The following EEFSEC variants were observed in gnomAD, a reference collection of about 807,000 sequenced individuals.
EEFSEC encodes selenocysteine-specific elongation factor.
Under a neutral mutation model 42.1 loss-of-function variants are expected in EEFSEC, and 43 were observed. The ratio of observed to expected loss-of-function variants is 1.02; its 90% CI spans 0.80 to 1.32. The LOEUF (loss-of-function observed/expected upper bound fraction) is 1.32. Among genes scored for constraint, EEFSEC ranks in the 40% most tolerant of loss-of-function variants. The pLI, the probability that EEFSEC is intolerant of heterozygous loss-of-function variation, is 0.00. For synonymous variants in EEFSEC, 354 were observed against 339.1 expected, an observed-to-expected ratio of 1.04 and a Z score of -0.48; for missense variants, 745 against 803.6, an observed-to-expected ratio of 0.93 and a Z score of 0.88.
rs1415259688 is a variant in EEFSEC at position 128,341,679 on chromosome 3, G to A, written c.1233G>A (p.Trp411Ter). Residue 411 changes from tryptophan to a stop codon, truncating the protein, a stop_gained, in exon 5 of 7, where the codon TGG (tryptophan) becomes TGA (stop). Transcript: ENST00000254730. LOFTEE classifies it high-confidence loss of function. ...ATEGHCPRQQ[W>*]ALVEFEKPVT... is the part of the protein sequence containing the mutation. ...AGGGCCATTGTCCTCGGCAGCAGTG[G>A]GCCCTGGTGGAGTTTGAGAAGCCCG... is the stretch of plus-strand genomic sequence containing the variant. 3.1e-6 allele frequency: 5 copies of A among 1,614,134 alleles called. No homozygotes were observed. The highest frequency in any genetic ancestry group is 4.2e-6 in the Non-Finnish European group (5 of 1,180,038).
intron 4 of EEFSEC, among the ~76,000 whole-genome samples, chr3:128,289,565 A>G (rs753040385): frequency 3.9e-5 from 6 of 152,240 alleles, no homozygotes; most frequent in Non-Finnish European, 5.9e-5. Context: ...TGTCATTTTT[A>G]AGGAGAAGCT....
chr3:128,211,848 CTTTTTTTTTTTTTTTT>C lies in EEFSEC; in HGVS notation c.317-34974_317-34959del, dbSNP rs34885945. ...CATATACTTCTTTTCTTTTTCTTTT[CTTTTTTTTTTTTTTTT>C]TTTTTTTTTTTTTGAGACAGAGTCT... is the stretch of plus-strand genomic sequence containing the variant. On this transcript the variant is annotated intron_variant, in intron 1 of 6. Transcript: ENST00000254730. Among the ~76,000 whole-genome samples, 206 of 51,710 alleles carry C rather than the reference CTTTTTTTTTTTTTTTT, an allele frequency of 4.0e-3. 2 individuals carry two copies. The highest frequency in any genetic ancestry group is 0.022 in the Middle Eastern group (1 of 46). The allele number at this position is 51,710 out of a possible 152,430, so 33.9% of individuals were successfully genotyped here.
chr3:128,169,137 C>T (rs1209820549), intron 1 of EEFSEC, among the ~76,000 whole-genome samples: 2 of 152,132 alleles, frequency 1.3e-5, no homozygotes, highest in East Asian at 3.9e-4. Context: ...ACAGGATGCC[C>T]AGATAGGGAC....
At position 128,373,962 on chromosome 3, in the gene EEFSEC, GC is replaced by G. The variant is rs1464481499; in HGVS notation, c.1600+15590del. On this transcript the variant is annotated intron_variant, in intron 6 of 6. Coordinates refer to ENST00000254730, the MANE Select transcript of EEFSEC (RefSeq NM_021937.5). ...CACTTTCCACATGTCACTTGGCCAGGCTGGGAAGGGCTCATGGTCGGGAGTG... is the reference window on the plus strand; with the variant it reads ...CACTTTCCACATGTCACTTGGCCAGGTGGGAAGGGCTCATGGTCGGGAGTG... 3.3e-5 allele frequency among the ~76,000 whole-genome samples: 5 copies of G among 152,308 alleles called. No homozygotes were observed. The Middle Eastern group carries it at 0.014, about 414-fold the overall frequency.
chr3:128,421,543 CT>C, the EEFSEC span, among the ~76,000 whole-genome samples: 1 of 152,246 alleles, frequency 6.6e-6, no homozygotes, highest in Admixed American at 6.5e-5. Flanking sequence ...CCCAGGTCAG[CT>C]GCTGGTGCCA....
At chr3:128,283,246 A>G (rs1454801240) in intron 4 of EEFSEC, among the ~76,000 whole-genome samples, 2 of 151,670 alleles carry the variant, frequency 1.3e-5, no homozygotes, top group African/African-American at 2.4e-5. Flanking sequence ...GCTTGAGGAT[A>G]CTGATTCAGC....
downstream of EEFSEC, among the ~76,000 whole-genome samples, chr3:128,412,296 TGTCA>T (rs1194626657): frequency 2.0e-5 from 3 of 152,238 alleles, no homozygotes; most frequent in Non-Finnish European, 4.4e-5. Flanking sequence ...TGCAGGAGCC[TGTCA>T]GTCCGAGCTC....
At chr3:128,311,058 T>G (rs184890134) in intron 4 of EEFSEC, among the ~76,000 whole-genome samples, 1 of 152,356 alleles carries the variant, frequency 6.6e-6, no homozygotes, top group Admixed American at 6.5e-5. Context: ...ACTGGAAAAG[T>G]AAGAAAAGAT....
At chr3:128,338,350 C>A (rs545515511) in intron 4 of EEFSEC, among the ~76,000 whole-genome samples, 1 of 152,040 alleles carries the variant, frequency 6.6e-6, no homozygotes, top group Admixed American at 6.6e-5. Flanking sequence ...TATGAGTTAT[C>A]GATAATGTAG....
intron 4 of EEFSEC, among the ~76,000 whole-genome samples, chr3:128,334,464 C>T (rs950966471): frequency 6.6e-6 from 1 of 152,208 alleles, no homozygotes; most frequent in African/African-American, 2.4e-5. Flanking sequence ...GAGCTGAGGC[C>T]GTGGAACATC....
intron 3 of EEFSEC, among the ~76,000 whole-genome samples, chr3:128,263,627 A>C (rs1157704485): frequency 2.6e-5 from 4 of 152,214 alleles, no homozygotes; most frequent in East Asian, 3.8e-4. Context: ...TTTTGTTTGA[A>C]TCTCTAGTGT....
chr3:128,316,346 C>T lies in EEFSEC; in HGVS notation c.787-24887C>T, dbSNP rs557808148. On this transcript the variant is annotated intron_variant, in intron 4 of 6. Coordinates refer to ENST00000254730, the MANE Select transcript of EEFSEC (RefSeq NM_021937.5). Reference sequence around the variant, plus strand: ...ACACACTTAGGAATAAAAAGCACAACAGGCTTCTGTCATAGGCATTGTTTG... The same window carrying T: ...ACACACTTAGGAATAAAAAGCACAATAGGCTTCTGTCATAGGCATTGTTTG... Among the ~76,000 whole-genome samples the T allele has an allele frequency of 5.3e-5, 8 of 152,292 alleles. No individual in the cohort carries two copies. In the South Asian group the frequency reaches 8.3e-4, roughly 16 times the overall value.
chr3:128,179,800 A>G (rs2065386817), intron 1 of EEFSEC, among the ~76,000 whole-genome samples: 1 of 152,224 alleles, frequency 6.6e-6, no homozygotes, highest in Admixed American at 6.5e-5. Context: ...AAATTTAGCC[A>G]GTTCAGCAGG....
intron 1 of EEFSEC, among the ~76,000 whole-genome samples, chr3:128,221,439 GAA>G: frequency 6.6e-6 from 1 of 152,338 alleles, no homozygotes; most frequent in South Asian, 2.1e-4. Context: ...GGTGAGCTGA[GAA>G]AGTTTCCTTC....
At chr3:128,321,907 C>T (rs2067011973) in intron 4 of EEFSEC, among the ~76,000 whole-genome samples, 1 of 152,306 alleles carries the variant, frequency 6.6e-6, no homozygotes, top group African/African-American at 2.4e-5. Flanking sequence ...ACTGGGGAGC[C>T]TCCCGAGGCA....
At chr3:128,242,912 G>A (rs1015782075) in intron 1 of EEFSEC, among the ~76,000 whole-genome samples, 2 of 152,112 alleles carry the variant, frequency 1.3e-5, no homozygotes, top group African/African-American at 4.8e-5. Context: ...GTCTCAGAGC[G>A]ATTTTCTACC....
chr3:128,298,783 G>A (rs760673841), intron 4 of EEFSEC, among the ~76,000 whole-genome samples: 3 of 152,154 alleles, frequency 2.0e-5, no homozygotes, highest in Non-Finnish European at 4.4e-5. Context: ...ACCTCCATGA[G>A]ACCCACTTCC....
At chr3:128,293,953 A>G (rs1203421315) in intron 4 of EEFSEC, among the ~76,000 whole-genome samples, 1 of 152,240 alleles carries the variant, frequency 6.6e-6, no homozygotes, top group African/African-American at 2.4e-5. Context: ...CAAAGAAGTT[A>G]GGGAAGCTCA....
chr3:128,356,682 A>G (rs2067459075), intron 5 of EEFSEC, among the ~76,000 whole-genome samples: 1 of 152,210 alleles, frequency 6.6e-6, no homozygotes, highest in Non-Finnish European at 1.5e-5. Context: ...AAAAGTCCCC[A>G]GGCACCCTGC....
Sources: gnomAD v4.1 joint callset for allele counts (sites outside exome capture counted in the v4.1 genomes callset) on GRCh38, gnomAD v4.1.1 for gene constraint, MANE v1.5 for transcripts, NCBI Gene and HGNC (gene_info 2026-07-23, HGNC 2026-07-21) for gene names.